Variants in ARHGAP39 observed in about 807,000 individuals in gnomAD.
The protein encoded by ARHGAP39 is rho GTPase-activating protein 39.
In ARHGAP39, 44 loss-of-function variants were observed where a neutral mutation model predicts 106.9. The observed-to-expected ratio is 0.41, with a 90% CI of 0.32 to 0.53. The LOEUF is 0.53. ARHGAP39 is among the 20% of genes least tolerant of loss of function. ARHGAP39 has a pLI of 0.21. For missense variants in ARHGAP39, 1,496 were observed against 1,577.3 expected, an observed-to-expected ratio of 0.95 and a Z score of 0.87; for synonymous variants, 768 against 693.2, an observed-to-expected ratio of 1.11 and a Z score of -1.69.
intron 1 of ARHGAP39, among the ~76,000 whole-genome samples, chr8:144,637,428 G>A (rs1167520314): frequency 2.0e-5 from 3 of 152,074 alleles, no homozygotes; most frequent in African/African-American, 4.8e-5. Flanking sequence ...TGGCCAACAT[G>A]GTGAAACCCG....
At chr8:144,580,405 G>A (rs1282868649) in intron 3 of ARHGAP39, among the ~76,000 whole-genome samples, 2 of 152,224 alleles carry the variant, frequency 1.3e-5, no homozygotes, top group Non-Finnish European at 2.9e-5. Flanking sequence ...CAGGGGCTGG[G>A]CCAGTGAGGG....
rs116738744 is a variant in ARHGAP39, at chr8:144,530,013, G to A, written c.*409C>T. ...TGGGAAGAGCTGCAGGCCAGGACGA[G>A]GACAGGAGAAAGGGAAGGAGAGACC... On this transcript the variant is annotated 3_prime_UTR_variant, in exon 12 of 12. Transcript: ENST00000377307. The A allele has an allele frequency of 0.032, 6,222 of 195,394 alleles. 387 individuals carry two copies. The highest frequency in any genetic ancestry group is 0.13 in the African/African-American group (5,558 of 42,084). 12.1% of individuals were successfully genotyped at this position (195,394 alleles called of 1,614,324 possible).
At chr8:144,622,585 G>A (rs1239183438) in intron 1 of ARHGAP39, among the ~76,000 whole-genome samples, 1 of 152,164 alleles carries the variant, frequency 6.6e-6, no homozygotes, top group Non-Finnish European at 1.5e-5. Flanking sequence ...CCACAGCACC[G>A]ACAGGAGTCA....
chr8:144,560,264 G>A (rs924120474), intron 3 of ARHGAP39, among the ~76,000 whole-genome samples: 12 of 152,102 alleles, frequency 7.9e-5, no homozygotes, highest in East Asian at 3.9e-4. Context: ...TGAAACCCCC[G>A]TCTCTACTAA....
intron 10 of ARHGAP39, 106 bp downstream of exon 10, chr8:144,532,199 C>T: frequency 1.1e-6 from 1 of 910,552 alleles, no homozygotes; most frequent in South Asian, 1.5e-5. Context: ...GAAGCCATCA[C>T]ATCACTGGGC....
intron 7 of ARHGAP39, among the ~76,000 whole-genome samples, chr8:144,535,290 C>T (rs1435230378): frequency 6.6e-6 from 1 of 152,180 alleles, no homozygotes; most frequent in African/African-American, 2.4e-5. Context: ...CATGTGACTG[C>T]TAAGGAGACT....
At chr8:144,674,272 A>G (rs2129737120) in intron 1 of ARHGAP39, among the ~76,000 whole-genome samples, 1 of 152,302 alleles carries the variant, frequency 6.6e-6, no homozygotes, top group South Asian at 2.1e-4. Flanking sequence ...AGCGAGGTGG[A>G]GAGGAGCTTC....
chr8:144,695,719 G>T, the ARHGAP39 span, among the ~76,000 whole-genome samples: 1 of 152,180 alleles, frequency 6.6e-6, no homozygotes, highest in Non-Finnish European at 1.5e-5. Context: ...AGGCAAAAAA[G>T]TTAAAAGGAT....
At chr8:144,592,626 G>T (rs2130917381) in intron 2 of ARHGAP39, among the ~76,000 whole-genome samples, 1 of 143,702 alleles carries the variant, frequency 7.0e-6, no homozygotes, top group African/African-American at 2.6e-5. Flanking sequence ...CCTCCTGGGG[G>T]ACAGCACTGA....
rs1310104952 is a variant in ARHGAP39, at chr8:144,585,924, A to AC, written c.81-4648dup. 1.6e-4 allele frequency among the ~76,000 whole-genome samples: 25 copies of AC among 151,988 alleles called. No individual in the cohort carries two copies. The highest frequency in any genetic ancestry group is 1.6e-4 in the Non-Finnish European group (11 of 67,968). On this transcript the variant is annotated intron_variant, in intron 2 of 11. Transcript: ENST00000377307. This position sits in a 1 kb window ranked among gnomAD's most constrained non-coding sequence, Gnocchi z 4.6. Reference sequence around the variant, plus strand: ...CGAGGGACAGATGGGGCATCCCTGCACCCCCATGGCTCAGCCAGGCTCTCC... The same window carrying AC: ...CGAGGGACAGATGGGGCATCCCTGCACCCCCCATGGCTCAGCCAGGCTCTCC...
intron 1 of ARHGAP39, among the ~76,000 whole-genome samples, chr8:144,663,505 C>G (rs1821886376): frequency 6.6e-6 from 1 of 152,178 alleles, no homozygotes; most frequent in African/African-American, 2.4e-5. Flanking sequence ...CGCCTCTCAC[C>G]AGGCCCCACC....
At chr8:144,691,979 AC>A in the ARHGAP39 span, among the ~76,000 whole-genome samples, 1 of 152,034 alleles carries the variant, frequency 6.6e-6, no homozygotes, top group South Asian at 2.1e-4. Flanking sequence ...TTGGAAATGG[AC>A]CACCGTATAC....
Position 144,547,415 on chromosome 8 carries a change from A to G in ARHGAP39, c.1671T>C (p.Ala557=). 6 of 1,591,490 alleles carry G rather than the reference A, an allele frequency of 3.8e-6. No individual in the cohort carries two copies. The highest frequency in any genetic ancestry group is 5.1e-6 in the Non-Finnish European group (6 of 1,175,738). Residue 557 remains alanine (A), a synonymous_variant, in exon 5 of 12, where the codon GCT becomes GCC. Transcript: ENST00000377307. This position sits in a 1 kb window ranked among gnomAD's most constrained non-coding sequence, Gnocchi z 5.2. ...CCTGCTGCGCCTCCCAGGCCAGCCGAGCCTGCGCCAGGAAGGGCTCGGCCG... is the reference window on the plus strand; with the variant it reads ...CCTGCTGCGCCTCCCAGGCCAGCCGGGCCTGCGCCAGGAAGGGCTCGGCCG... ...RGAAEPFLAQ[A]RLAWEAQQAH...
intron 1 of ARHGAP39, among the ~76,000 whole-genome samples, chr8:144,661,715 T>C (rs560928303): frequency 6.6e-6 from 1 of 152,192 alleles, no homozygotes; most frequent in Admixed American, 6.5e-5. Flanking sequence ...TTTGCTGTGT[T>C]GCCCAGGCTG....
chr8:144,680,498 G>A (rs1490202502), intron 1 of ARHGAP39, among the ~76,000 whole-genome samples: 1 of 152,140 alleles, frequency 6.6e-6, no homozygotes, highest in East Asian at 1.9e-4. Context: ...TACGGGTTAG[G>A]CCTTTAATCA....
rs776237544 is a variant in ARHGAP39 at position 144,533,123 on chromosome 8, C to T, written c.2888+3G>A. Reference sequence around the variant, plus strand: ...CACCCGGCGCCCGGGGTTGCCGTGGCACCTGAAGATGCCCTCTGTCTGGTC... The same window carrying T: ...CACCCGGCGCCCGGGGTTGCCGTGGTACCTGAAGATGCCCTCTGTCTGGTC... On this transcript the variant is annotated splice_donor_region_variant and intron_variant, in intron 9 of 11. Coordinates refer to ENST00000377307, the MANE Select transcript of ARHGAP39 (RefSeq NM_025251.3). 3.1e-6 allele frequency: 5 copies of T among 1,595,970 alleles called. No individual in the cohort carries two copies. In the South Asian group the frequency reaches 5.5e-5, roughly 18 times the overall value.
intron 1 of ARHGAP39, among the ~76,000 whole-genome samples, chr8:144,653,968 C>G (rs1821634626): frequency 6.6e-6 from 1 of 152,228 alleles, no homozygotes; most frequent in African/African-American, 2.4e-5. Context: ...ACCACGCGGA[C>G]AGAGCCGCGC....
chr8:144,583,221 C>T (rs887204355), intron 2 of ARHGAP39, among the ~76,000 whole-genome samples: 14 of 152,370 alleles, frequency 9.2e-5, no homozygotes, highest in Admixed American at 5.9e-4. Context: ...CTTTCAGTCC[C>T]GAGGGAGCTG....
At chr8:144,620,498 C>T (rs1820774604) in intron 1 of ARHGAP39, among the ~76,000 whole-genome samples, 1 of 140,376 alleles carries the variant, frequency 7.1e-6, no homozygotes, top group Non-Finnish European at 1.5e-5. Context: ...CCTGTGTGTC[C>T]AAGGGAGCAC....
Sources: allele counts gnomAD v4.1 joint callset (sites outside exome capture counted in the v4.1 genomes callset), GRCh38; gene constraint gnomAD v4.1.1; non-coding constraint Gnocchi (gnomAD v3.1); transcripts MANE v1.5; gene names NCBI Gene and HGNC (gene_info 2026-07-23, HGNC 2026-07-21).